The following AP3B1 variants were observed in gnomAD, a reference collection of about 807,000 sequenced individuals.
AP3B1 encodes the protein adaptor related protein complex 3 subunit beta 1.
In AP3B1, 61 loss-of-function variants were observed where a neutral mutation model predicts 132.5. That is an observed-to-expected ratio of 0.46 (90% confidence interval 0.37 to 0.57). The LOEUF (loss-of-function observed/expected upper bound fraction) is 0.57. AP3B1 is among the 20% of genes least tolerant of loss of function. AP3B1 has a pLI of 0.00. For synonymous variants in AP3B1, 388 were observed against 438.3 expected, an observed-to-expected ratio of 0.89 and a Z score of 1.43; for missense variants, 1,120 against 1,289.4, an observed-to-expected ratio of 0.87 and a Z score of 2.01.
intron 7 of AP3B1, among the ~76,000 whole-genome samples, chr5:78,191,875 T>C (rs1193623298): frequency 6.6e-6 from 1 of 152,176 alleles, no homozygotes; most frequent in Non-Finnish European, 1.5e-5. Flanking sequence ...ATATAGTCAT[T>C]TGCAGTATAT....
intron 1 of AP3B1, among the ~76,000 whole-genome samples, chr5:78,277,667 T>C (rs1021722836): frequency 4.6e-5 from 7 of 152,020 alleles, no homozygotes; most frequent in Non-Finnish European, 7.4e-5. Context: ...GAAGGGCCTC[T>C]AAAGGTAGGC....
Position 78,039,238 on chromosome 5 carries a change from C to A in AP3B1, c.2614G>T (p.Val872Leu). The change falls in exon 23 of 27, where the codon GTG becomes TTG. Residue 872 changes from valine (V) to leucine (L), a missense_variant. Physicochemically the swap from Val to Leu is conservative, Grantham distance 32. Transcript: ENST00000255194. ...TPAFVPTKTHVLLHRMSGKGL... is the reference protein window; with the variant it reads ...TPAFVPTKTHLLLHRMSGKGL... ...TTTCCACTCATTCGATGAAGCAGCA[C>A]GTGAGTTTTCGTTGGTACAAATGCA... is the stretch of plus-strand genomic sequence containing the variant. The A allele has an allele frequency of 6.2e-7, 1 of 1,614,040 alleles. No individual in the cohort carries two copies. Among genetic ancestry groups the A allele is most frequent in the Non-Finnish European group, 8.5e-7 (1 of 1,180,000 alleles).
At chr5:78,027,111 C>T (rs1747368369) in intron 24 of AP3B1, among the ~76,000 whole-genome samples, 1 of 151,926 alleles carries the variant, frequency 6.6e-6, no homozygotes, top group Admixed American at 6.6e-5. Flanking sequence ...AATAGAAGAA[C>T]CTGTTAGTTA....
At chr5:78,230,472 C>T (rs1746599086) in intron 3 of AP3B1, among the ~76,000 whole-genome samples, 1 of 152,178 alleles carries the variant, frequency 6.6e-6, no homozygotes. Flanking sequence ...TTTCCAATTA[C>T]TCTTCAATGT....
intron 26 of AP3B1, among the ~76,000 whole-genome samples, chr5:78,009,788 G>A (rs891289141): frequency 1.5e-5 from 2 of 137,458 alleles, no homozygotes; most frequent in African/African-American, 5.3e-5. Flanking sequence ...GGGTGGGGGA[G>A]GGGGAGAGGG....
chr5:78,234,245 A>T (rs1192971380), intron 3 of AP3B1, among the ~76,000 whole-genome samples: 1 of 152,130 alleles, frequency 6.6e-6, no homozygotes, highest in Non-Finnish European at 1.5e-5. Context: ...AATTTTTCAA[A>T]CCCAAAATAC....
chr5:78,099,103 C>T (rs1433484584), intron 21 of AP3B1, among the ~76,000 whole-genome samples: 1 of 152,206 alleles, frequency 6.6e-6, no homozygotes, highest in Non-Finnish European at 1.5e-5. Flanking sequence ...TTTCCTCCTT[C>T]TGTCACATGA....
intron 22 of AP3B1, among the ~76,000 whole-genome samples, chr5:78,045,070 A>G (rs1400153856): frequency 6.6e-6 from 1 of 152,202 alleles, no homozygotes; most frequent in Non-Finnish European, 1.5e-5. Context: ...ATACTTGTTT[A>G]ACTACAGAAA....
chr5:78,008,992 C>G (rs1172394410), intron 26 of AP3B1, among the ~76,000 whole-genome samples: 1 of 152,166 alleles, frequency 6.6e-6, no homozygotes, highest in African/African-American at 2.4e-5. Flanking sequence ...AACCCTAGCA[C>G]CAGCAAAATC....
rs533894144 is a variant in AP3B1, at chr5:78,035,787, T to C, written c.2810-1342A>G. Among the ~76,000 whole-genome samples, 23 of 152,228 alleles carry C rather than the reference T, an allele frequency of 1.5e-4. No individual in the cohort carries two copies. The South Asian group carries it at 4.6e-3, about 30-fold the overall frequency. On this transcript the variant is annotated intron_variant, in intron 23 of 26. Coordinates refer to ENST00000255194, the MANE Select transcript of AP3B1 (RefSeq NM_003664.5). The stretch of plus-strand genomic sequence containing the variant: ...ATTTTCCAGGATGCCACTCAAATAC[T>C]AGAAGACTTGCTCCCTAAATCTCTA...
At chr5:78,233,040 C>T (rs1341601507) in intron 3 of AP3B1, among the ~76,000 whole-genome samples, 1 of 152,038 alleles carries the variant, frequency 6.6e-6, no homozygotes, top group Non-Finnish European at 1.5e-5. Context: ...GCTAACACTA[C>T]AATTATAAAA....
intron 13 of AP3B1, among the ~76,000 whole-genome samples, chr5:78,162,336 A>G (rs959281948): frequency 1.3e-5 from 2 of 152,156 alleles, no homozygotes; most frequent in Non-Finnish European, 2.9e-5. Flanking sequence ...TATGGCTTTT[A>G]AATCTAGTTA....
chr5:78,135,036 A>G (rs973423068), intron 15 of AP3B1, among the ~76,000 whole-genome samples: 2 of 152,208 alleles, frequency 1.3e-5, no homozygotes, highest in African/African-American at 4.8e-5. Context: ...GTCACTTCAG[A>G]GTGTCCAAGT....
chr5:78,203,097 G>T (rs894606817), intron 7 of AP3B1, among the ~76,000 whole-genome samples: 1 of 152,124 alleles, frequency 6.6e-6, no homozygotes, highest in African/African-American at 2.4e-5. Context: ...ACTAGCTGTT[G>T]ATCTTATTGA....
At chr5:78,147,896 C>T (rs1328481578) in intron 14 of AP3B1, among the ~76,000 whole-genome samples, 2 of 151,910 alleles carry the variant, frequency 1.3e-5, no homozygotes, top group African/African-American at 4.8e-5. Flanking sequence ...TATCCAGGCA[C>T]GGTGGCGCAT....
chr5:78,263,547 TA>T (rs1748191662), intron 2 of AP3B1, among the ~76,000 whole-genome samples: 1 of 152,222 alleles, frequency 6.6e-6, no homozygotes, highest in African/African-American at 2.4e-5. Context: ...ACAGAAGTGG[TA>T]AAAGCAAGCA....
At chr5:78,126,321 A>G (rs1165217427) in intron 17 of AP3B1, among the ~76,000 whole-genome samples, 1 of 151,848 alleles carries the variant, frequency 6.6e-6, no homozygotes, top group Non-Finnish European at 1.5e-5. Context: ...CCTGGCCAAC[A>G]TGGCGAAACC....
intron 1 of AP3B1, among the ~76,000 whole-genome samples, chr5:78,292,248 T>C (rs1011589062): frequency 6.6e-6 from 1 of 152,218 alleles, no homozygotes; most frequent in East Asian, 1.9e-4. Flanking sequence ...TGAGAAAATG[T>C]GGACTCAAGA....
chr5:78,024,055 GAGT>G (rs1180221241), intron 24 of AP3B1, among the ~76,000 whole-genome samples: 1 of 152,144 alleles, frequency 6.6e-6, no homozygotes, highest in Non-Finnish European at 1.5e-5. Context: ...CTCTAGAAAG[GAGT>G]AGGATACTTC....
Sources: allele counts gnomAD v4.1 joint callset (sites outside exome capture counted in the v4.1 genomes callset), GRCh38; gene constraint gnomAD v4.1.1; transcripts MANE v1.5; gene names NCBI Gene and HGNC (gene_info 2026-07-23, HGNC 2026-07-21).